The following TENM4 variants were observed in gnomAD, a reference collection of about 807,000 sequenced individuals.
TENM4 encodes the protein teneurin-4.
In TENM4, 82 loss-of-function variants were observed where a neutral mutation model predicts 243.3. The ratio of observed to expected loss-of-function variants is 0.34; its 90% CI spans 0.28 to 0.40. The LOEUF (loss-of-function observed/expected upper bound fraction) is 0.40. Among genes scored for constraint, TENM4 ranks in the 10% least tolerant of loss-of-function variants. The pLI, the probability that TENM4 is intolerant of heterozygous loss-of-function variation, is 1.00. For synonymous variants in TENM4, 1,412 were observed against 1,456.3 expected, an observed-to-expected ratio of 0.97 and a Z score of 0.69; for missense variants, 3,138 against 3,673.3, an observed-to-expected ratio of 0.85 and a Z score of 3.77.
chr11:79,235,714 T>C (rs1021660318), intron 2 of TENM4, among the ~76,000 whole-genome samples: 1 of 152,168 alleles, frequency 6.6e-6, no homozygotes, highest in African/African-American at 2.4e-5. Context: ...AGTGCATAAA[T>C]GTATTTTGAG....
intron 1 of TENM4, among the ~76,000 whole-genome samples, chr11:79,431,376 C>A (rs1859166072): frequency 6.6e-6 from 1 of 152,124 alleles, no homozygotes; most frequent in Non-Finnish European, 1.5e-5. Context: ...TTACCTTTTT[C>A]CTCTCTTTTA....
intron 3 of TENM4, among the ~76,000 whole-genome samples, chr11:79,203,857 T>G (rs1012608990): frequency 1.3e-5 from 2 of 152,088 alleles, no homozygotes; most frequent in Admixed American, 1.3e-4. Context: ...CACATGAAAA[T>G]GAAATTGTGG....
chr11:79,097,746 A>G (rs968313824), intron 4 of TENM4: 2 of 151,930 alleles, frequency 1.3e-5, no homozygotes, highest in South Asian at 4.2e-4. Flanking sequence ...CCGTCTCAAC[A>G]CCATTTGGCA....
At chr11:79,320,149 A>G (rs1291375456) in intron 1 of TENM4, among the ~76,000 whole-genome samples, 1 of 152,128 alleles carries the variant, frequency 6.6e-6, no homozygotes, top group Non-Finnish European at 1.5e-5. Flanking sequence ...GACTCCTGAA[A>G]ACATCCCCAG....
chr11:79,216,528 G>A (rs565434390), intron 2 of TENM4, among the ~76,000 whole-genome samples: 9 of 152,320 alleles, frequency 5.9e-5, no homozygotes, highest in Admixed American at 2.0e-4. Context: ...CCTCAATGTG[G>A]TAGTGTTGGG....
chr11:79,306,130 C>G (rs1320542124), intron 1 of TENM4, among the ~76,000 whole-genome samples: 4 of 152,234 alleles, frequency 2.6e-5, no homozygotes, highest in African/African-American at 9.6e-5. Context: ...TAATTCAATT[C>G]CATGCAGTTA....
intron 3 of TENM4, among the ~76,000 whole-genome samples, chr11:79,153,427 C>T (rs1429716660): frequency 1.3e-5 from 2 of 152,138 alleles, no homozygotes; most frequent in African/African-American, 2.4e-5. Context: ...ATTTTCTTCT[C>T]ATGTTTCCTT....
intron 12 of TENM4, among the ~76,000 whole-genome samples, chr11:78,838,708 T>C (rs1482671081): frequency 1.3e-5 from 2 of 151,966 alleles, no homozygotes; most frequent in Non-Finnish European, 2.9e-5. Context: ...AATTACAGAG[T>C]ATGAGTTCCA....
intron 1 of TENM4, among the ~76,000 whole-genome samples, chr11:79,320,371 G>C (rs1010394580): frequency 3.9e-5 from 6 of 152,208 alleles, no homozygotes; most frequent in Non-Finnish European, 8.8e-5. Flanking sequence ...GAGGAGGGCT[G>C]CCCGGCTTTG....
intron 6 of TENM4, among the ~76,000 whole-genome samples, chr11:78,921,464 T>A (rs631353): frequency 0.54 from 81,633 of 152,142 alleles, 26,078 homozygotes; most frequent in East Asian, 0.79. Context: ...AAAGCCTCCA[T>A]GAAGATACAG....
At chr11:79,113,079 G>A (rs377751784) in intron 4 of TENM4, among the ~76,000 whole-genome samples, 8 of 152,158 alleles carry the variant, frequency 5.3e-5, no homozygotes, top group African/African-American at 1.7e-4. Context: ...GAATAGGCTG[G>A]CTGAGATGGT....
chr11:78,843,248 A>G (rs1858304459), intron 12 of TENM4, among the ~76,000 whole-genome samples: 1 of 152,236 alleles, frequency 6.6e-6, no homozygotes, highest in African/African-American at 2.4e-5. Flanking sequence ...ACTGCACTCC[A>G]GCCTGGGTGA....
intron 2 of TENM4, among the ~76,000 whole-genome samples, chr11:79,235,190 G>T (rs1052535191): frequency 6.6e-6 from 1 of 152,152 alleles, no homozygotes; most frequent in Non-Finnish European, 1.5e-5. Context: ...GTGTGTGCCT[G>T]TAATCCCAGC....
chr11:79,361,970 T>A (rs146350592), intron 1 of TENM4, among the ~76,000 whole-genome samples: 81 of 152,344 alleles, frequency 5.3e-4, no homozygotes, highest in Non-Finnish European at 9.0e-4. Flanking sequence ...CTAGGCCCTG[T>A]GTGCCTCAAC....
chr11:79,189,635 T>A (rs1177802400), intron 3 of TENM4, among the ~76,000 whole-genome samples: 1 of 152,206 alleles, frequency 6.6e-6, no homozygotes, highest in Non-Finnish European at 1.5e-5. Flanking sequence ...CAAAGCTAGG[T>A]CTTAATCGTC....
At chr11:78,773,531 CA>C (rs144939853) in intron 17 of TENM4, among the ~76,000 whole-genome samples, 3,066 of 152,154 alleles carry the variant, frequency 0.02, 44 homozygotes, top group South Asian at 0.06. Flanking sequence ...CACAGAAAGG[CA>C]AAATAGGAAA....
intron 1 of TENM4, among the ~76,000 whole-genome samples, chr11:79,405,174 CATT>C (rs148027362): frequency 2.1e-4 from 32 of 151,930 alleles, no homozygotes; most frequent in African/African-American, 7.3e-4. Context: ...ACAACAATAA[CATT>C]ATTATTATTA....
chr11:78,676,493 T>C, intron 29 of TENM4, 106 bp from the exon 30 acceptor site: 1 of 828,738 alleles, frequency 1.2e-6, no homozygotes, highest in Non-Finnish European at 1.8e-6. Context: ...TTTTCCTAAC[T>C]ATGAAAGCAA....
intron 3 of TENM4, among the ~76,000 whole-genome samples, chr11:79,193,504 C>G (rs780219858): frequency 6.6e-6 from 1 of 152,172 alleles, no homozygotes; most frequent in South Asian, 2.1e-4. Context: ...GTGGCCCGGC[C>G]GGTCATACTC....
Sources: allele counts gnomAD v4.1 joint callset (sites outside exome capture counted in the v4.1 genomes callset), GRCh38; gene constraint gnomAD v4.1.1; transcripts MANE v1.5; gene names NCBI Gene and HGNC (gene_info 2026-07-23, HGNC 2026-07-21).